Variants in PCDHGA7 observed in about 807,000 individuals in gnomAD.
PCDHGA7 encodes the protein protocadherin gamma-A7.
A neutral mutation model predicts 58.3 loss-of-function variants in PCDHGA7; 44 were observed. The ratio of observed to expected loss-of-function variants is 0.75; its 90% CI spans 0.59 to 0.97. The LOEUF is 0.97. Ranked by LOEUF, PCDHGA7 falls within the 50% of genes least tolerant of loss-of-function variation. PCDHGA7 has a pLI of 0.00. For synonymous variants in PCDHGA7, 516 were observed against 504.2 expected, an observed-to-expected ratio of 1.02 and a Z score of -0.31; for missense variants, 1,266 against 1,188.7, an observed-to-expected ratio of 1.06 and a Z score of -0.96.
rs1439461935 is a variant in PCDHGA7 at position 141,511,976 on chromosome 5, G to A, written c.*803G>A. ...ATAAGGAAGGGAAGTGTGTGGATGT[G>A]GATGGTGGGGGCATGGACAAAGCTT... is the stretch of plus-strand genomic sequence containing the variant. On this transcript the variant is annotated 3_prime_UTR_variant, in exon 4 of 4. Coordinates refer to ENST00000518325, the MANE Select transcript of PCDHGA7 (RefSeq NM_018920.4). 6.5e-6 allele frequency: 1 copy of A among 153,384 alleles called. No homozygotes were observed. Among genetic ancestry groups the A allele is most frequent in the Non-Finnish European group, 1.5e-5 (1 of 68,664 alleles). 9.5% of individuals were successfully genotyped at this position (153,384 alleles called of 1,614,324 possible).
chr5:141,432,681 G>A lies in PCDHGA7; in HGVS notation c.2424+47358G>A, dbSNP rs147073234. 2.4e-3 allele frequency: 3,845 copies of A among 1,613,930 alleles called. 12 individuals carry two copies. Among genetic ancestry groups the A allele is most frequent in the Admixed American group, 6.0e-3 (358 of 60,016 alleles). On this transcript the variant is annotated intron_variant, in intron 1 of 3. Coordinates refer to ENST00000518325, the MANE Select transcript of PCDHGA7 (RefSeq NM_018920.4). This position sits in a 1 kb window ranked among gnomAD's most constrained non-coding sequence, Gnocchi z 6.0. Reference sequence around the variant, plus strand: ...CTGGACAGAGACGCGCTCAAGCAGAGCCTCGTAGTGGCCGTCCAGGACCAC... The same window carrying A: ...CTGGACAGAGACGCGCTCAAGCAGAACCTCGTAGTGGCCGTCCAGGACCAC...
intron 1 of PCDHGA7, among the ~76,000 whole-genome samples, chr5:141,484,170 A>G (rs962978452): frequency 6.6e-6 from 1 of 152,210 alleles, no homozygotes; most frequent in Non-Finnish European, 1.5e-5. Context: ...TTGGTAGCTG[A>G]TCTCAATCAT....
chr5:141,438,337 T>C (rs935624931), intron 1 of PCDHGA7, among the ~76,000 whole-genome samples: 25 of 151,926 alleles, frequency 1.6e-4, no homozygotes, highest in Non-Finnish European at 1.9e-4. Context: ...ACATGTCATA[T>C]AAGGATCTAC....
Position 141,399,689 on chromosome 5 carries a change from T to C in PCDHGA7, c.2424+14366T>C, listed in dbSNP as rs199516491. 502 of 1,613,550 alleles carry C rather than the reference T, an allele frequency of 3.1e-4. 1 individual carries two copies. Among genetic ancestry groups the C allele is most frequent in the Non-Finnish European group, 3.8e-4 (448 of 1,179,874 alleles). On this transcript the variant is annotated intron_variant, in intron 1 of 3. Transcript: ENST00000518325. ...CAGCGCGCCTTTGACTACGAGCAGC[T>C]GCGCACCTTCGAACTCACACTACAG...
intron 1 of PCDHGA7, chr5:141,415,228 C>A: frequency 1.2e-6 from 2 of 1,614,168 alleles, no homozygotes; most frequent in South Asian, 2.2e-5. Flanking sequence ...CTTCGAGTCT[C>A]CAGCTAACTC....
intron 1 of PCDHGA7, chr5:141,413,704 A>C (rs749988351): frequency 6.2e-7 from 1 of 1,613,616 alleles, no homozygotes; most frequent in South Asian, 1.1e-5. Flanking sequence ...CTATCAGCTC[A>C]GCCCCAATAA....
chr5:141,400,217 T>G, intron 1 of PCDHGA7: 1 of 1,614,034 alleles, frequency 6.2e-7, no homozygotes, highest in Non-Finnish European at 8.5e-7. Context: ...TTGATCTCAG[T>G]GCTCTTCCTC....
chr5:141,499,029 A>AAGGAAGGAAGG lies in PCDHGA7; in HGVS notation c.2483+4165_2483+4166insGGAAGGAAGGA, dbSNP rs1562187768. ...GGAAGGAAGGAAGGAAGGAAGGAAG[A>AAGGAAGGAAGG]AAAGAAAGAAAAAGGGAGAAAAAAT... On this transcript the variant is annotated intron_variant, in intron 2 of 3. Transcript: ENST00000518325. 4.1e-4 allele frequency among the ~76,000 whole-genome samples: 57 copies of AAGGAAGGAAGG among 140,074 alleles called. 2 individuals are homozygous for AAGGAAGGAAGG. Among genetic ancestry groups the AAGGAAGGAAGG allele is most frequent in the African/African-American group, 1.4e-3 (52 of 36,074 alleles). 91.9% of individuals were successfully genotyped at this position (140,074 alleles called of 152,430 possible).
chr5:141,412,554 C>T (rs2095562022), intron 1 of PCDHGA7: 1 of 152,094 alleles, frequency 6.6e-6, no homozygotes, highest in Non-Finnish European at 1.5e-5. Context: ...TGAATTATCT[C>T]ATGAGTTTAT....
chr5:141,403,053 C>T (rs754618954), intron 1 of PCDHGA7: 2 of 1,614,076 alleles, frequency 1.2e-6, no homozygotes, highest in Non-Finnish European at 1.7e-6. Context: ...ATTCGCTACT[C>T]AGTGCCTGAA....
At chr5:141,419,439 C>G (rs375537017) in intron 1 of PCDHGA7, 1 of 1,613,154 alleles carries the variant, frequency 6.2e-7, no homozygotes, top group Non-Finnish European at 8.5e-7. Context: ...CAGCTGCGCA[C>G]CTTCGAGCTC....
chr5:141,402,908 G>C (rs772824235), intron 1 of PCDHGA7: 1 of 1,545,226 alleles, frequency 6.5e-7, no homozygotes, highest in African/African-American at 1.4e-5. Flanking sequence ...TGATGAAGCA[G>C]CGCGCACAGA....
intron 1 of PCDHGA7, among the ~76,000 whole-genome samples, chr5:141,444,408 T>G (rs1591815532): frequency 6.6e-6 from 1 of 152,124 alleles, no homozygotes; most frequent in East Asian, 1.9e-4. Context: ...CAACCTCAGG[T>G]GATCTTCCCT....
chr5:141,392,629 T>C, intron 1 of PCDHGA7: 1 of 598,736 alleles, frequency 1.7e-6, no homozygotes, highest in East Asian at 3.0e-5. Flanking sequence ...AACACTCAGA[T>C]CTCACACCTC....
intron 2 of PCDHGA7, among the ~76,000 whole-genome samples, 177 bp from the exon 3 acceptor site, chr5:141,505,216 T>C (rs547855353): frequency 1.1e-4 from 17 of 152,234 alleles, no homozygotes; most frequent in Non-Finnish European, 2.9e-5. Context: ...AGGGACTGAC[T>C]TGTGGGATTC....
chr5:141,484,277 G>T (rs1026083889), intron 1 of PCDHGA7, among the ~76,000 whole-genome samples: 1 of 152,126 alleles, frequency 6.6e-6, no homozygotes, highest in South Asian at 2.1e-4. Context: ...TTACTGTTTT[G>T]AAACATCTCC....
intron 1 of PCDHGA7, among the ~76,000 whole-genome samples, chr5:141,470,814 A>T (rs1170059292): frequency 2.6e-5 from 4 of 152,006 alleles, no homozygotes; most frequent in Admixed American, 6.5e-5. Context: ...CAGCCTTCTG[A>T]GTAGTTAGGA....
At chr5:141,441,855 G>A in intron 1 of PCDHGA7, 3 of 351,872 alleles carry the variant, frequency 8.5e-6, no homozygotes, top group Admixed American at 4.0e-5. Flanking sequence ...ATATGGTGCT[G>A]CACGCCGCGG....
intron 3 of PCDHGA7, 89 bp downstream of exon 3, chr5:141,505,570 C>G: frequency 6.3e-7 from 1 of 1,598,162 alleles, no homozygotes; most frequent in Admixed American, 1.7e-5. Context: ...GACTGGATGT[C>G]AAACCTGTGT....
Sources: gnomAD v4.1 joint callset for allele counts (sites outside exome capture counted in the v4.1 genomes callset) on GRCh38, gnomAD v4.1.1 for gene constraint, Gnocchi (gnomAD v3.1) non-coding constraint, MANE v1.5 for transcripts, NCBI Gene and HGNC (gene_info 2026-07-23, HGNC 2026-07-21) for gene names.